RIMBP2: variants seen among roughly 807,000 people sequenced by gnomAD.
The protein encoded by RIMBP2 is RIMS-binding protein 2.
In RIMBP2, 48 loss-of-function variants were observed where a neutral mutation model predicts 118.6. The observed-to-expected ratio is 0.40, with a 90% CI of 0.32 to 0.51. The LOEUF (loss-of-function observed/expected upper bound fraction) is 0.51, where lower values mean the gene tolerates loss of function less well. Ranked by LOEUF, RIMBP2 falls within the 20% of genes least tolerant of loss-of-function variation. The probability of loss-of-function intolerance (pLI) is 0.41; values close to 1 mark genes in which losing one functional copy is unlikely to be tolerated. For synonymous variants in RIMBP2, 762 were observed against 742.9 expected (o/e 1.03, Z -0.42); for missense variants, 1,551 against 1,768.3 (o/e 0.88, Z 2.20).
chr12:130,484,267 C>T (rs2082297226), intron 4 of RIMBP2, among the ~76,000 whole-genome samples: 1 of 152,202 alleles, frequency 6.6e-6, no homozygotes, highest in African/African-American at 2.4e-5. Flanking sequence ...CCACCATCTG[C>T]CTGCCTCTCA....
Position 130,447,065 on chromosome 12 carries a change from T to C in RIMBP2, c.582-1796A>G, listed in dbSNP as rs116864309. Reference sequence around the variant, plus strand: ...GGCCGAGACACAGAAGCTGGCAGAGTGTTCTCGGAGGAGGAGGAGGAGGAG... The same window carrying C: ...GGCCGAGACACAGAAGCTGGCAGAGCGTTCTCGGAGGAGGAGGAGGAGGAG... On this transcript the variant is annotated intron_variant, in intron 9 of 22. Transcript: ENST00000690449. The surrounding 1 kb of genome is among the most constrained non-coding windows in gnomAD (Gnocchi z 4.4). 6.8e-6 allele frequency among the ~76,000 whole-genome samples: 1 copy of C among 147,874 alleles called. No individual in the cohort carries two copies. The highest frequency in any genetic ancestry group is 1.5e-5 in the Non-Finnish European group (1 of 67,012).
At chr12:130,462,501 G>A (rs1283528446) in intron 6 of RIMBP2, among the ~76,000 whole-genome samples, 1 of 152,174 alleles carries the variant, frequency 6.6e-6, no homozygotes, top group African/African-American at 2.4e-5. Flanking sequence ...GCATTCGTTG[G>A]TTAAAGTGAA....
chr12:130,484,804 T>A (rs1593481539), intron 4 of RIMBP2, among the ~76,000 whole-genome samples: 1 of 152,252 alleles, frequency 6.6e-6, no homozygotes, highest in African/African-American at 2.4e-5. Context: ...TTAAAGAGCC[T>A]GAACACCTGG....
At chr12:130,715,891 T>C (rs577335818) in intron 1 of RIMBP2, among the ~76,000 whole-genome samples, 162 of 152,034 alleles carry the variant, frequency 1.1e-3, no homozygotes, top group African/African-American at 3.7e-3. Flanking sequence ...GGGCCTTTCT[T>C]AAAAGCCTGG....
intron 1 of RIMBP2, among the ~76,000 whole-genome samples, chr12:130,664,697 A>C (rs1249486694): frequency 6.6e-6 from 1 of 151,840 alleles, no homozygotes; most frequent in African/African-American, 2.4e-5. Context: ...GAAAGTAAAG[A>C]GGGACTCAGA....
Position 130,424,005 on chromosome 12 carries a change from C to A in RIMBP2, c.3129+137G>T, listed in dbSNP as rs2076593634. The A allele has an allele frequency of 4.5e-6, 2 of 447,036 alleles. No individual in the cohort carries two copies. The highest frequency in any genetic ancestry group is 7.4e-6 in the Non-Finnish European group (2 of 271,458). The allele number at this position is 447,036 out of a possible 1,614,324, so 27.7% of individuals were successfully genotyped here. A position where few individuals can be genotyped will look rare whatever the true frequency, so the allele number is the denominator to read the frequency against. On this transcript the variant is annotated intron_variant, in intron 16 of 22. Transcript: ENST00000690449. The surrounding 1 kb of genome is among the most constrained non-coding windows in gnomAD (Gnocchi z 9.8). ...GGGAAGCAAATCGGACTTGAGAAAT[C>A]AAAAATGCAGGGAAAACGAAAGACA...
chr12:130,469,078 T>C lies in RIMBP2; in HGVS notation c.153+1615A>G, dbSNP rs1353221767. ...CAGGTCAGAGCAGGCCCAGGACTCA[T>C]GGCCGCGTCCACTCACGGGAAAAGC... On this transcript the variant is annotated intron_variant, in intron 6 of 22. Coordinates refer to ENST00000690449, the MANE Select transcript of RIMBP2 (RefSeq NM_001393629.1). This position sits in a 1 kb window ranked among gnomAD's most constrained non-coding sequence, Gnocchi z 4.8. 2 of 152,462 alleles carry C rather than the reference T, an allele frequency of 1.3e-5. No individual in the cohort carries two copies. Among genetic ancestry groups the C allele is most frequent in the African/African-American group, 2.4e-5 (1 of 41,420 alleles). 9.4% of individuals were successfully genotyped at this position (152,462 alleles called of 1,614,324 possible).
intron 12 of RIMBP2, 30 bp downstream of exon 12, chr12:130,438,335 A>ACCGGGGGGGGGGCCCCCCC: frequency 1.2e-6 from 1 of 865,014 alleles, no homozygotes; most frequent in Non-Finnish European, 1.9e-6. Context: ...GGCCTAACAA[A>ACCGGGGGGGGGGCCCCCCC]CCCTCCCCAC....
intron 6 of RIMBP2, among the ~76,000 whole-genome samples, chr12:130,468,560 A>G (rs1429416794): frequency 6.6e-6 from 1 of 152,134 alleles, no homozygotes; most frequent in Admixed American, 6.5e-5. Context: ...GGGGCAACCC[A>G]GCCTCTCCTC....
chr12:130,525,910 G>C lies in RIMBP2; in HGVS notation c.-216-7993C>G, dbSNP rs2052729707. Reference sequence around the variant, plus strand: ...TCAAGCTCAAGGAGGTTAAGTAACTGAGCGAGCAGCCTCCCCCGAGCATGT... The same window carrying C: ...TCAAGCTCAAGGAGGTTAAGTAACTCAGCGAGCAGCCTCCCCCGAGCATGT... On this transcript the variant is annotated intron_variant, in intron 2 of 22. Transcript: ENST00000690449. The surrounding 1 kb of genome is among the most constrained non-coding windows in gnomAD (Gnocchi z 4.4). 6.6e-6 allele frequency among the ~76,000 whole-genome samples: 1 copy of C among 152,106 alleles called. No individual in the cohort carries two copies. The highest frequency in any genetic ancestry group is 2.1e-4 in the South Asian group (1 of 4,826).
intron 2 of RIMBP2, among the ~76,000 whole-genome samples, chr12:130,588,304 G>T (rs917169358): frequency 4.6e-5 from 7 of 152,064 alleles, no homozygotes; most frequent in Non-Finnish European, 7.4e-5. Context: ...TCCACATCCG[G>T]TCTGTTTAGC....
intron 2 of RIMBP2, among the ~76,000 whole-genome samples, chr12:130,554,480 C>G (rs543522807): frequency 2.0e-5 from 3 of 152,134 alleles, no homozygotes; most frequent in Non-Finnish European, 4.4e-5. Context: ...ATACAATATA[C>G]GGCCCTCATA....
intron 1 of RIMBP2, among the ~76,000 whole-genome samples, chr12:130,646,010 A>G (rs2062860343): frequency 6.6e-6 from 1 of 152,086 alleles, no homozygotes; most frequent in Non-Finnish European, 1.5e-5. Flanking sequence ...GTTTCACCCA[A>G]GCATTGAAAT....
chr12:130,548,914 T>G (rs1207509542), intron 2 of RIMBP2, among the ~76,000 whole-genome samples: 1 of 152,040 alleles, frequency 6.6e-6, no homozygotes, highest in Non-Finnish European at 1.5e-5. Flanking sequence ...TTTAATCGGG[T>G]GAGACCCTTC....
intron 5 of RIMBP2, among the ~76,000 whole-genome samples, chr12:130,476,627 C>T (rs1287043121): frequency 1.3e-5 from 2 of 152,224 alleles, no homozygotes; most frequent in Non-Finnish European, 2.9e-5. Context: ...CTTGCACACT[C>T]CTGCCCCAGC....
At chr12:130,460,339 G>A (rs1459313507) in intron 6 of RIMBP2, among the ~76,000 whole-genome samples, 10 of 152,170 alleles carry the variant, frequency 6.6e-5, no homozygotes, top group African/African-American at 4.8e-5. Context: ...AGGAGCAGCC[G>A]TAATCATGGT....
Position 130,604,966 on chromosome 12 carries a change from GT to G in RIMBP2, c.-217+23355del, listed in dbSNP as rs373100008. ...TTCAGATAGACACATACCTACTATT[GT>G]GTTACAGTTGCCTACAAAGTCCAGT... On this transcript the variant is annotated intron_variant, in intron 2 of 22. Transcript: ENST00000690449. Among the ~76,000 whole-genome samples the G allele has an allele frequency of 1.3e-3, 193 of 151,878 alleles. No homozygotes were observed. In the Middle Eastern group the frequency reaches 0.034, roughly 27 times the overall value.
chr12:130,402,576 CT>C (rs949525368), intron 21 of RIMBP2, among the ~76,000 whole-genome samples: 86 of 152,316 alleles, frequency 5.6e-4, no homozygotes, highest in African/African-American at 1.9e-3. Flanking sequence ...TCACCTTGAC[CT>C]TTCCCTCCTC....
intron 2 of RIMBP2, among the ~76,000 whole-genome samples, chr12:130,593,448 G>C (rs932583853): frequency 6.6e-6 from 1 of 152,234 alleles, no homozygotes; most frequent in Non-Finnish European, 1.5e-5. Flanking sequence ...TTAGCCGTGG[G>C]ATTATCTGCA....
Sources: allele counts gnomAD v4.1 joint callset (sites outside exome capture counted in the v4.1 genomes callset), GRCh38; gene constraint gnomAD v4.1.1; non-coding constraint Gnocchi (gnomAD v3.1); transcripts MANE v1.5; gene names NCBI Gene and HGNC (gene_info 2026-07-23, HGNC 2026-07-21).